Variants in LRIF1 observed in about 807,000 individuals in gnomAD.
LRIF1 encodes ligand-dependent nuclear receptor-interacting factor 1.
LRIF1 carries 32 observed loss-of-function variants against 52.7 expected under a neutral mutation model. That is an observed-to-expected ratio of 0.61 (90% CI 0.46 to 0.82). LRIF1 has a LOEUF of 0.82. LRIF1 is among the 40% of genes least tolerant of loss of function. LRIF1 has a pLI of 0.00. For synonymous variants in LRIF1, 323 were observed against 317.4 expected (o/e 1.02, Z -0.19); for missense variants, 887 against 892.0 (o/e 0.99, Z 0.07).
the LRIF1 span, among the ~76,000 whole-genome samples, chr1:110,917,844 T>C: frequency 6.6e-6 from 1 of 152,082 alleles, no homozygotes; most frequent in Non-Finnish European, 1.5e-5. Flanking sequence ...TATAGCACCA[T>C]CTTATTCATA....
chr1:110,902,495 T>TAAAAAAAAAAAAAAAAAAA, the LRIF1 span, among the ~76,000 whole-genome samples: 16 of 72,658 alleles, frequency 2.2e-4, no homozygotes, highest in African/African-American at 3.5e-4. Context: ...AATCAATCAC[T>TAAAAAAAAAAAAAAAAAAA]AAAAAAAAAA....
At chr1:110,957,878 C>T (rs549239696) in intron 1 of LRIF1, among the ~76,000 whole-genome samples, 14 of 152,154 alleles carry the variant, frequency 9.2e-5, no homozygotes, top group South Asian at 4.1e-4. Flanking sequence ...CAAGTCTATA[C>T]GGTTTTCTTT....
At chr1:110,910,320 C>T in the LRIF1 span, among the ~76,000 whole-genome samples, 8 of 148,718 alleles carry the variant, frequency 5.4e-5, no homozygotes, top group Non-Finnish European at 7.4e-5. Flanking sequence ...ATCCCTGGGG[C>T]GGACACAGTG....
chr1:110,963,147 T>G lies in LRIF1; in HGVS notation c.68+474A>C, dbSNP rs572144007. Among the ~76,000 whole-genome samples the G allele has an allele frequency of 1.3e-4, 20 of 152,350 alleles. No individual in the cohort carries two copies. The South Asian group carries it at 3.9e-3, about 30-fold the overall frequency. The stretch of plus-strand genomic sequence containing the variant: ...AAACTATTACTTGAAATTTTAAATA[T>G]TCGATCTCCTCATTCTAAAGCCCTT... On this transcript the variant is annotated intron_variant, in intron 1 of 3. Transcript: ENST00000369763.
At chr1:110,897,522 C>T in the LRIF1 span, 6 of 264,878 alleles carry the variant, frequency 2.3e-5, no homozygotes, top group Admixed American at 5.2e-5. Context: ...GACAGTAGGA[C>T]GTCGGTTGCT....
the LRIF1 span, among the ~76,000 whole-genome samples, chr1:110,905,744 T>C: frequency 1.3e-5 from 2 of 152,086 alleles, no homozygotes; most frequent in East Asian, 3.9e-4. Flanking sequence ...GAGAATATTA[T>C]AACACTGTAA....
Position 110,963,706 on chromosome 1 carries a change from G to C in LRIF1, c.-18C>G. On this transcript the variant is annotated 5_prime_UTR_variant, in exon 1 of 4. Transcript: ENST00000369763. Reference sequence around the variant, plus strand: ...TTTGACATTTTAGTGGGGAGAAAGGGGACACCTCATCCAGAAAAGTGGGAA... The same window carrying C: ...TTTGACATTTTAGTGGGGAGAAAGGCGACACCTCATCCAGAAAAGTGGGAA... 1.3e-6 allele frequency: 2 copies of C among 1,590,098 alleles called. No homozygotes were observed. Among genetic ancestry groups the C allele is most frequent in the Non-Finnish European group, 1.7e-6 (2 of 1,161,476 alleles).
intron 1 of LRIF1, among the ~76,000 whole-genome samples, chr1:110,957,839 A>G (rs1658770258): frequency 6.6e-6 from 1 of 152,222 alleles, no homozygotes. Context: ...TACAAAAGGC[A>G]AACATTTAAT....
At chr1:110,948,434 A>G (rs1196935281) in intron 3 of LRIF1, 35 bp from the exon 4 acceptor site, 1 of 1,573,824 alleles carries the variant, frequency 6.4e-7, no homozygotes. Flanking sequence ...AACAAAAACG[A>G]AATGTTACTG....
At chr1:110,932,567 C>T in the LRIF1 span, among the ~76,000 whole-genome samples, 8,737 of 152,124 alleles carry the variant, frequency 0.057, 290 homozygotes, top group East Asian at 0.13. Flanking sequence ...TATGAATTAC[C>T]TTGGGCAATA....
At chr1:110,915,533 C>A in the LRIF1 span, among the ~76,000 whole-genome samples, 4 of 142,088 alleles carry the variant, frequency 2.8e-5, no homozygotes, top group South Asian at 4.3e-4. Flanking sequence ...TTACTATGTT[C>A]AAAAATGTAC....
chr1:110,901,829 C>A, the LRIF1 span, among the ~76,000 whole-genome samples: 31 of 152,318 alleles, frequency 2.0e-4, no homozygotes, highest in African/African-American at 7.2e-4. Context: ...TAAACATGCA[C>A]AAAATGAAAC....
the LRIF1 span, chr1:110,895,165 C>A: frequency 1.3e-6 from 1 of 774,850 alleles, no homozygotes; most frequent in East Asian, 2.6e-5. Context: ...GGTCCACATC[C>A]CTGAATCCCA....
At chr1:110,889,555 C>CAAATAAAT in the LRIF1 span, among the ~76,000 whole-genome samples, 25,995 of 146,124 alleles carry the variant, frequency 0.18, 2,601 homozygotes, top group East Asian at 0.31. Flanking sequence ...AAAACTCCGT[C>CAAATAAAT]AAATAAATAA....
At chr1:110,921,267 A>AG in the LRIF1 span, among the ~76,000 whole-genome samples, 1 of 151,794 alleles carries the variant, frequency 6.6e-6, no homozygotes, top group Non-Finnish European at 1.5e-5. Context: ...TTACCAGTGA[A>AG]GTGCAGAAAT....
the LRIF1 span, among the ~76,000 whole-genome samples, chr1:110,906,571 C>T: frequency 2.6e-5 from 4 of 151,588 alleles, no homozygotes; most frequent in African/African-American, 4.9e-5. Flanking sequence ...CATTTATGAT[C>T]GCATCAAAAA....
the LRIF1 span, among the ~76,000 whole-genome samples, chr1:110,884,349 T>G: frequency 2.0e-5 from 3 of 152,124 alleles, no homozygotes; most frequent in African/African-American, 7.2e-5. Context: ...GCTAATTCAA[T>G]TCCTTCTAAA....
downstream of LRIF1, among the ~76,000 whole-genome samples, chr1:110,946,409 A>T (rs1266369509): frequency 1.3e-5 from 2 of 152,188 alleles, no homozygotes. Flanking sequence ...AAATGTTCTA[A>T]AATTATAGTG....
At chr1:110,890,126 A>G in the LRIF1 span, among the ~76,000 whole-genome samples, 3 of 152,290 alleles carry the variant, frequency 2.0e-5, no homozygotes, top group East Asian at 1.9e-4. Context: ...AGGAGATACT[A>G]TGGATTGCAC....
Sources: gnomAD v4.1 joint callset for allele counts (sites outside exome capture counted in the v4.1 genomes callset) on GRCh38, gnomAD v4.1.1 for gene constraint, MANE v1.5 for transcripts, NCBI Gene and HGNC (gene_info 2026-07-23, HGNC 2026-07-21) for gene names.